POU2F1: variants seen among roughly 807,000 people sequenced by gnomAD.
The protein encoded by POU2F1 is POU domain, class 2, transcription factor 1.
POU2F1 carries 16 observed loss-of-function variants against 84.9 expected under a neutral mutation model. The observed-to-expected ratio is 0.19, with a 90% CI of 0.13 to 0.29. The LOEUF (loss-of-function observed/expected upper bound fraction) is 0.29. Among genes scored for constraint, POU2F1 ranks in the 10% least tolerant of loss-of-function variants. The probability of loss-of-function intolerance (pLI) is 1.00; values close to 1 mark genes in which losing one functional copy is unlikely to be tolerated. For synonymous variants in POU2F1, 368 were observed against 368.3 expected, an observed-to-expected ratio of 1.00 and a Z score of 0.01; for missense variants, 738 against 942.6, an observed-to-expected ratio of 0.78 and a Z score of 2.84.
chr1:167,221,205 C>T (rs1421469325), intron 1 of POU2F1, among the ~76,000 whole-genome samples: 1 of 151,490 alleles, frequency 6.6e-6, no homozygotes, highest in Non-Finnish European at 1.5e-5. Context: ...TCCTCCTGCA[C>T]CCGGCCCACC....
At chr1:167,365,366 C>T in intron 2 of POU2F1, 101 bp from the exon 3 acceptor site, 1 of 793,762 alleles carries the variant, frequency 1.3e-6, no homozygotes, top group South Asian at 2.2e-5. Context: ...TAGAAAAGTA[C>T]TTATGCAAAA....
At chr1:167,313,309 T>C (rs7553472) in intron 1 of POU2F1, among the ~76,000 whole-genome samples, 3,762 of 152,298 alleles carry the variant, frequency 0.025, 150 homozygotes, top group African/African-American at 0.083. Context: ...AGACTTTTTT[T>C]CTAGACATGA....
intron 1 of POU2F1, among the ~76,000 whole-genome samples, chr1:167,294,540 A>G (rs1654157091): frequency 6.6e-6 from 1 of 152,242 alleles, no homozygotes; most frequent in Non-Finnish European, 1.5e-5. Context: ...ACTAGTATCC[A>G]GAATCTACAA....
chr1:167,365,559 C>A lies in POU2F1; in HGVS notation c.220C>A (p.Leu74Ile). Residue 74 changes from leucine (L) to isoleucine (I), a missense_variant, in exon 3 of 16, where the codon CTC (leucine) becomes ATC (isoleucine). This residue lies in a region of POU2F1 where 161 missense variants were observed against 147.0 expected (regional missense o/e 1.10). Transcript: ENST00000367866. Reference sequence around the variant, plus strand: ...CCAGGCGCAGGCTTTCCTTGGACATCTCCATCAGGTAGGAATGTTCTGCTC... The same window carrying A: ...CCAGGCGCAGGCTTTCCTTGGACATATCCATCAGGTAGGAATGTTCTGCTC... Reference protein sequence around the residue: ...TAQAQAFLGHLHQVQLAGTSL... With the variant: ...TAQAQAFLGHIHQVQLAGTSL... The A allele has an allele frequency of 6.3e-7, 1 of 1,594,214 alleles. No homozygotes were observed. Among genetic ancestry groups the A allele is most frequent in the Non-Finnish European group, 8.5e-7 (1 of 1,170,254 alleles).
At chr1:167,375,890 C>T in intron 6 of POU2F1, 139 bp from the exon 7 acceptor site, 4 of 1,052,106 alleles carry the variant, frequency 3.8e-6, no homozygotes, top group Non-Finnish European at 5.5e-6. Flanking sequence ...CAGAGCATAC[C>T]CTGTTTGGAA....
intron 2 of POU2F1, among the ~76,000 whole-genome samples, chr1:167,347,441 G>A (rs919503159): frequency 2.6e-5 from 4 of 152,172 alleles, no homozygotes; most frequent in African/African-American, 9.7e-5. Context: ...TTATACAGAC[G>A]AGGCTGGCTG....
chr1:167,261,136 A>G (rs12743025), intron 1 of POU2F1, among the ~76,000 whole-genome samples: 1,911 of 152,244 alleles, frequency 0.013, 17 homozygotes, highest in South Asian at 0.039. Flanking sequence ...CAACCATAAC[A>G]TATCTAAAAT....
Position 167,269,913 on chromosome 1 carries a change from C to CAAA in POU2F1, c.61+48969_61+48971dup, listed in dbSNP as rs34112150. Among the ~76,000 whole-genome samples the CAAA allele has an allele frequency of 4.1e-4, 53 of 129,910 alleles. 1 individual carries two copies. The highest frequency in any genetic ancestry group is 8.0e-3 in the Middle Eastern group (2 of 250). The allele number at this position is 129,910 out of a possible 152,430, so 85.2% of individuals were successfully genotyped here. On this transcript the variant is annotated intron_variant, in intron 1 of 15. Transcript: ENST00000367866. ...TGGACAACAGTGTGAGTCTCTGTCT[C>CAAA]AAAAAAAAAAAAAAAAGAGTAAGAG...
At position 167,420,795 on chromosome 1, in the gene POU2F1, G is replaced by C. The variant is rs1165771148; in HGVS notation, c.*4985G>C. 1 of 152,182 alleles carries C rather than the reference G, an allele frequency of 6.6e-6. No individual in the cohort carries two copies. The highest frequency in any genetic ancestry group is 1.5e-5 in the Non-Finnish European group (1 of 68,050). 9.4% of individuals were successfully genotyped at this position (152,182 alleles called of 1,614,324 possible). On this transcript the variant is annotated 3_prime_UTR_variant, in exon 16 of 16. Coordinates refer to ENST00000367866, the MANE Select transcript of POU2F1 (RefSeq NM_002697.4). ...GACAGGTGGCTCTGGCCTGGCTCTT[G>C]GGGGGCCTTCTGAAGACCAGTCTGC...
intron 1 of POU2F1, among the ~76,000 whole-genome samples, chr1:167,222,284 C>A (rs752314800): frequency 8.3e-4 from 127 of 152,214 alleles, no homozygotes; most frequent in Non-Finnish European, 5.3e-4. Context: ...TGTGCTGGGT[C>A]GTCTTTACTC....
At chr1:167,223,139 T>G (rs997815489) in intron 1 of POU2F1, among the ~76,000 whole-genome samples, 2 of 152,180 alleles carry the variant, frequency 1.3e-5, no homozygotes, top group Non-Finnish European at 2.9e-5. Context: ...GTAGCACTAC[T>G]GAAAACAAAA....
chr1:167,305,898 T>A (rs2102582888), intron 1 of POU2F1, among the ~76,000 whole-genome samples: 1 of 152,320 alleles, frequency 6.6e-6, no homozygotes, highest in East Asian at 1.9e-4. Flanking sequence ...AACTAACATT[T>A]CCTGGAATTC....
Position 167,270,685 on chromosome 1 carries a change from C to T in POU2F1, c.61+49727C>T, listed in dbSNP as rs562905277. 7.2e-5 allele frequency among the ~76,000 whole-genome samples: 11 copies of T among 152,262 alleles called. No homozygotes were observed. In the East Asian group the frequency reaches 2.1e-3, roughly 29 times the overall value. ...GCATCTGTCTTCAGGAGAAATCACT[C>T]CATAGTCAAACACAGATTGCTGAAC... On this transcript the variant is annotated intron_variant, in intron 1 of 15. Coordinates refer to ENST00000367866, the MANE Select transcript of POU2F1 (RefSeq NM_002697.4).
At chr1:167,289,162 A>G (rs1653738688) in intron 1 of POU2F1, among the ~76,000 whole-genome samples, 1 of 152,176 alleles carries the variant, frequency 6.6e-6, no homozygotes, top group Non-Finnish European at 1.5e-5. Context: ...GTCTGAGCAC[A>G]TGTTTCTTTT....
At chr1:167,266,622 A>T (rs997483744) in intron 1 of POU2F1, among the ~76,000 whole-genome samples, 5 of 136,830 alleles carry the variant, frequency 3.7e-5, no homozygotes, top group African/African-American at 1.4e-4. Context: ...AATACTATTA[A>T]TTTTTTTTTT....
intron 2 of POU2F1, among the ~76,000 whole-genome samples, chr1:167,334,000 C>CT (rs11371298): frequency 0.4 from 60,301 of 150,990 alleles, 14,721 homozygotes; most frequent in East Asian, 0.71. Flanking sequence ...AAGAAACATA[C>CT]TTTTTTTTTC....
chr1:167,268,588 G>A (rs933781270), intron 1 of POU2F1, among the ~76,000 whole-genome samples: 1 of 152,162 alleles, frequency 6.6e-6, no homozygotes, highest in Admixed American at 6.5e-5. Context: ...CACATGCCCT[G>A]CACATAAGGT....
At chr1:167,301,775 A>G (rs1430068609) in intron 1 of POU2F1, among the ~76,000 whole-genome samples, 4 of 151,576 alleles carry the variant, frequency 2.6e-5, no homozygotes, top group African/African-American at 9.7e-5. Context: ...TTGTGTATTC[A>G]TTTCTCTCAA....
At chr1:167,371,490 G>A (rs1659997026) in intron 4 of POU2F1, among the ~76,000 whole-genome samples, 1 of 152,106 alleles carries the variant, frequency 6.6e-6, no homozygotes, top group African/African-American at 2.4e-5. Context: ...AATATTAGGT[G>A]GAAAGTTCTG....
Sources: gnomAD v4.1 joint callset for allele counts (sites outside exome capture counted in the v4.1 genomes callset) on GRCh38, gnomAD v4.1.1 for gene constraint, gnomAD v4.1.1 regional missense constraint, MANE v1.5 for transcripts, NCBI Gene and HGNC (gene_info 2026-07-23, HGNC 2026-07-21) for gene names.